Variants in HERC4 observed in about 807,000 individuals in gnomAD.
HERC4 encodes the protein HECT and RLD domain containing E3 ubiquitin protein ligase 4, also known as probable E3 ubiquitin-protein ligase HERC4.
HERC4 carries 28 observed loss-of-function variants against 124.3 expected under a neutral mutation model. The observed-to-expected ratio is 0.23, with a 90% CI of 0.17 to 0.31. The LOEUF is 0.31. Ranked by LOEUF, HERC4 falls within the 10% of genes least tolerant of loss-of-function variation. The pLI, the probability that HERC4 is intolerant of heterozygous loss-of-function variation, is 1.00. For synonymous variants in HERC4, 407 were observed against 421.5 expected, an observed-to-expected ratio of 0.97 and a Z score of 0.42; for missense variants, 713 against 1,229.3, an observed-to-expected ratio of 0.58 and a Z score of 6.28.
Position 67,989,685 on chromosome 10 carries a change from T to C in HERC4, c.1633+526A>G, listed in dbSNP as rs919458104. On this transcript the variant is annotated intron_variant, in intron 14 of 24. Transcript: ENST00000373700. ...GATAAAATCTAGACAATTAGAAAAA[T>C]TAAAGTGAGAAAACTTTATGCCAAA... is the stretch of plus-strand genomic sequence containing the variant. Among the ~76,000 whole-genome samples, 4 of 151,686 alleles carry C rather than the reference T, an allele frequency of 2.6e-5. No homozygotes were observed. The East Asian group carries it at 7.7e-4, about 29-fold the overall frequency.
chr10:68,009,321 C>A (rs771483273), intron 9 of HERC4, among the ~76,000 whole-genome samples: 1 of 151,712 alleles, frequency 6.6e-6, no homozygotes, highest in African/African-American at 2.4e-5. Context: ...GTTAATGTGG[C>A]CCCAGCTGGT....
intron 3 of HERC4, among the ~76,000 whole-genome samples, chr10:68,051,534 T>G (rs1022633435): frequency 6.6e-6 from 1 of 151,046 alleles, no homozygotes; most frequent in East Asian, 1.9e-4. Flanking sequence ...TTTTTTTTTG[T>G]ATTTTTAGTA....
chr10:68,003,719 C>T (rs1365724299), intron 9 of HERC4, among the ~76,000 whole-genome samples: 1 of 152,048 alleles, frequency 6.6e-6, no homozygotes, highest in Admixed American at 6.6e-5. Context: ...AATAGTATTC[C>T]ATTGTGTATA....
intron 3 of HERC4, among the ~76,000 whole-genome samples, chr10:68,060,916 T>C (rs960615876): frequency 1.3e-5 from 2 of 151,416 alleles, no homozygotes; most frequent in African/African-American, 4.9e-5. Context: ...CGTTATGCCA[T>C]CCTAAAAAAA....
chr10:68,026,832 C>T (rs1448903244), intron 7 of HERC4, among the ~76,000 whole-genome samples: 1 of 150,454 alleles, frequency 6.6e-6, no homozygotes, highest in Non-Finnish European at 1.5e-5. Context: ...GACAGAAAGA[C>T]TCCGTCTCAA....
At chr10:68,018,993 CTTTTTTTTTTTT>C (rs35817479) in intron 8 of HERC4, among the ~76,000 whole-genome samples, 1 of 88,016 alleles carries the variant, frequency 1.1e-5, no homozygotes, top group Non-Finnish European at 2.1e-5. Flanking sequence ...AGCATTCTTT[CTTTTTTTTTTTT>C]TTTTTTTTGA....
At chr10:67,975,789 C>G (rs1480602136) in intron 15 of HERC4, among the ~76,000 whole-genome samples, 1 of 152,184 alleles carries the variant, frequency 6.6e-6, no homozygotes, top group Non-Finnish European at 1.5e-5. Flanking sequence ...TTTATCTCCT[C>G]TAATTATTGA....
At chr10:68,029,184 A>AC (rs2039062052) in intron 7 of HERC4, among the ~76,000 whole-genome samples, 1 of 152,118 alleles carries the variant, frequency 6.6e-6, no homozygotes, top group South Asian at 2.1e-4. Context: ...CTCAGAAAAA[A>AC]AAAAGTTACA....
chr10:67,949,928 A>C (rs2132250861), intron 19 of HERC4, among the ~76,000 whole-genome samples: 1 of 152,220 alleles, frequency 6.6e-6, no homozygotes, highest in South Asian at 2.1e-4. Context: ...CTGAGGCAAG[A>C]GAATCGCTTG....
chr10:67,960,619 G>A (rs1219372872), intron 16 of HERC4: 5 of 156,074 alleles, frequency 3.2e-5, no homozygotes, highest in Non-Finnish European at 5.6e-5. Flanking sequence ...TCCTGACCTC[G>A]TGATCTGCCC....
chr10:67,997,101 A>G (rs955477650), intron 9 of HERC4, among the ~76,000 whole-genome samples: 3 of 152,224 alleles, frequency 2.0e-5, no homozygotes, highest in Admixed American at 1.3e-4. Flanking sequence ...GAGCATAACT[A>G]AAGATACAAC....
intron 9 of HERC4, among the ~76,000 whole-genome samples, chr10:67,996,319 C>A (rs888971413): frequency 6.6e-6 from 1 of 152,034 alleles, no homozygotes; most frequent in Non-Finnish European, 1.5e-5. Context: ...ATAGACACCC[C>A]CCCTGCCCCA....
In HERC4 at chr10:68,038,508, TAC is replaced by T. The variant is rs553278601; in HGVS notation, c.387-341_387-340del. Reference sequence around the variant, plus strand: ...AAAACGTGTTTTTAAATCATCAGCTTACAGTTAGAAACTTGGCAATACATCTG... The same window carrying T: ...AAAACGTGTTTTTAAATCATCAGCTTAGTTAGAAACTTGGCAATACATCTG... On this transcript the variant is annotated intron_variant, in intron 4 of 24. Coordinates refer to ENST00000373700, the MANE Select transcript of HERC4 (RefSeq NM_015601.4). The T allele has an allele frequency of 3.5e-4, 60 of 169,848 alleles. 1 individual carries two copies. In the South Asian group the frequency reaches 0.012, roughly 34 times the overall value. The allele number at this position is 169,848 out of a possible 1,614,324, so 10.5% of individuals were successfully genotyped here.
rs550925813 is a variant in HERC4 at position 68,069,406 on chromosome 10, A to G, written c.226+3477T>C. 3.5e-5 allele frequency: 34 copies of G among 985,306 alleles called. No homozygotes were observed. In the East Asian group the frequency reaches 3.3e-3, roughly 95 times the overall value. 61.0% of individuals were successfully genotyped at this position (985,306 alleles called of 1,614,324 possible). The stretch of plus-strand genomic sequence containing the variant: ...TCAGAAAAGCCAGTAGTGATAGAAA[A>G]GGACATACATATACAAGACAACAGA... On this transcript the variant is annotated intron_variant, in intron 3 of 24. Coordinates refer to ENST00000373700, the MANE Select transcript of HERC4 (RefSeq NM_015601.4).
At chr10:67,979,094 G>A (rs971974526) in intron 15 of HERC4, among the ~76,000 whole-genome samples, 6 of 152,234 alleles carry the variant, frequency 3.9e-5, no homozygotes, top group East Asian at 3.9e-4. Flanking sequence ...CATCTGTTAA[G>A]TTATCAAGAC....
intron 16 of HERC4, chr10:67,965,852 T>A (rs925588626): frequency 6.6e-6 from 1 of 152,044 alleles, no homozygotes; most frequent in East Asian, 1.9e-4. Flanking sequence ...CAAATAAGAG[T>A]AGTAAACCTA....
intron 15 of HERC4, 112 bp downstream of exon 15, chr10:67,988,551 T>C (rs1158486761): frequency 5.5e-5 from 39 of 705,086 alleles, no homozygotes; most frequent in Non-Finnish European, 8.5e-5. Flanking sequence ...ATTTCTATAA[T>C]ATGCATTGTT....
At chr10:68,020,930 A>T (rs1221205592) in intron 8 of HERC4, among the ~76,000 whole-genome samples, 4 of 152,144 alleles carry the variant, frequency 2.6e-5, no homozygotes, top group African/African-American at 9.7e-5. Context: ...AAATCTTAAA[A>T]AAAGTGCAGA....
chr10:67,989,579 T>A (rs1450360658), intron 14 of HERC4, among the ~76,000 whole-genome samples: 2 of 151,920 alleles, frequency 1.3e-5, no homozygotes, highest in African/African-American at 4.8e-5. Context: ...ATATCTCAGC[T>A]CCACATATCT....
Sources: allele counts gnomAD v4.1 joint callset (sites outside exome capture counted in the v4.1 genomes callset), GRCh38; gene constraint gnomAD v4.1.1; transcripts MANE v1.5; gene names NCBI Gene and HGNC (gene_info 2026-07-23, HGNC 2026-07-21).